IMPG2: variants seen among roughly 807,000 people sequenced by gnomAD.
The protein encoded by IMPG2 is IPM 200.
In IMPG2, 91 loss-of-function variants were observed where a neutral mutation model predicts 129.2. The ratio of observed to expected loss-of-function variants is 0.70; its 90% CI spans 0.59 to 0.84. The LOEUF (loss-of-function observed/expected upper bound fraction) is 0.84, where lower values mean the gene tolerates loss of function less well. IMPG2 is among the 40% of genes least tolerant of loss of function. The pLI is 0.00. For missense variants in IMPG2, 1,430 were observed against 1,461.7 expected (o/e 0.98, Z 0.35); for synonymous variants, 510 against 517.7 (o/e 0.99, Z 0.20).
In IMPG2 at chr3:101,246,054, T is replaced by C; in HGVS notation, c.1291A>G (p.Ser431Gly). 2 of 1,614,144 alleles carry C rather than the reference T, an allele frequency of 1.2e-6. No individual in the cohort carries two copies. The highest frequency in any genetic ancestry group is 1.7e-6 in the Non-Finnish European group (2 of 1,179,994). The part of the protein sequence containing the change: ...WPSADESITS[S>G]IPPLDFSSGP... Reference sequence around the variant, plus strand: ...GAGCTGAAATCAAGTGGTGGAATACTGCTGGTGATGGATTCATCTGCTGAG... The same window carrying C: ...GAGCTGAAATCAAGTGGTGGAATACCGCTGGTGATGGATTCATCTGCTGAG... Residue 431 changes from serine (S) to glycine (G), a missense_variant, in exon 12 of 19, where the codon AGT (serine) becomes GGT (glycine). Ser to Gly is a moderately conservative substitution (Grantham distance 56). Coordinates refer to ENST00000193391, the MANE Select transcript of IMPG2 (RefSeq NM_016247.4).
In IMPG2 at chr3:101,225,398, C is replaced by G. The variant is rs912156644; in HGVS notation, c.*1571G>C. On this transcript the variant is annotated 3_prime_UTR_variant, in exon 19 of 19. Transcript: ENST00000193391. ...GCGCACATGCGCATTAGCGCGCACA[C>G]GCACACACACATACACGCACACACA... 7.9e-6 allele frequency: 1 copy of G among 127,378 alleles called. No homozygotes were observed. Among genetic ancestry groups the G allele is most frequent in the Non-Finnish European group, 1.7e-5 (1 of 59,842 alleles). 7.9% of individuals were successfully genotyped at this position (127,378 alleles called of 1,614,324 possible).
intron 11 of IMPG2, among the ~76,000 whole-genome samples, chr3:101,246,387 A>AT (rs1425129906): frequency 6.6e-5 from 10 of 151,772 alleles, no homozygotes; most frequent in African/African-American, 2.4e-4. Flanking sequence ...TGTGAGAGAA[A>AT]ATTTTTTTTG....
At chr3:101,318,348 T>C (rs929342082) in intron 2 of IMPG2, among the ~76,000 whole-genome samples, 2 of 151,868 alleles carry the variant, frequency 1.3e-5, no homozygotes, top group Non-Finnish European at 2.9e-5. Context: ...GGATCTCCAT[T>C]TAAAAAGTAA....
At chr3:101,279,625 A>G (rs527885984) in intron 4 of IMPG2, among the ~76,000 whole-genome samples, 61 of 152,210 alleles carry the variant, frequency 4.0e-4, no homozygotes, top group Non-Finnish European at 7.8e-4. Flanking sequence ...TGAAAGCACA[A>G]CACAGCAACT....
At position 101,243,526 on chromosome 3, in the gene IMPG2, T is replaced by C. The variant is rs1200722829; in HGVS notation, c.2802+3A>G. 16 of 1,613,316 alleles carry C rather than the reference T, an allele frequency of 9.9e-6. No individual in the cohort carries two copies. Among genetic ancestry groups the C allele is most frequent in the Non-Finnish European group, 1.1e-5 (13 of 1,179,642 alleles). ...GTGCCCATGTTTCACTTTTTATGCT[T>C]ACCAATTCTAAGAATCTTTGCTCCA... On this transcript the variant is annotated splice_donor_region_variant and intron_variant, in intron 13 of 18. Transcript: ENST00000193391.
intron 4 of IMPG2, among the ~76,000 whole-genome samples, chr3:101,285,389 A>C (rs529437664): frequency 3.3e-5 from 5 of 152,338 alleles, no homozygotes; most frequent in African/African-American, 1.2e-4. Context: ...AAAGACATAG[A>C]CTTCCTGCTC....
At chr3:101,276,582 G>T in intron 5 of IMPG2, 82 bp downstream of exon 5, 1 of 922,784 alleles carries the variant, frequency 1.1e-6, no homozygotes, top group Non-Finnish European at 1.7e-6. Flanking sequence ...AAGGTAAGCT[G>T]CAAAAAATGT....
intron 3 of IMPG2, among the ~76,000 whole-genome samples, chr3:101,301,996 T>G (rs1707143830): frequency 6.6e-6 from 1 of 152,196 alleles, no homozygotes; most frequent in Non-Finnish European, 1.5e-5. Context: ...TTTAGTCTGA[T>G]CTCCTGTCAT....
chr3:101,252,177 A>G (rs1246342417), intron 11 of IMPG2, among the ~76,000 whole-genome samples: 1 of 152,182 alleles, frequency 6.6e-6, no homozygotes, highest in African/African-American at 2.4e-5. Context: ...ACTTCAGAGT[A>G]GCAGATCTTC....
intron 14 of IMPG2, among the ~76,000 whole-genome samples, chr3:101,238,347 T>TC (rs1211911152): frequency 6.6e-6 from 1 of 152,032 alleles, no homozygotes; most frequent in African/African-American, 2.4e-5. Flanking sequence ...AGGCCAACAT[T>TC]AAATTCAGGA....
chr3:101,256,617 T>C (rs938819135), intron 10 of IMPG2, among the ~76,000 whole-genome samples: 2 of 152,144 alleles, frequency 1.3e-5, no homozygotes, highest in African/African-American at 2.4e-5. Context: ...AGGTAGTAGC[T>C]GCCTGGAAGG....
intron 2 of IMPG2, among the ~76,000 whole-genome samples, chr3:101,315,704 G>A (rs2058781103): frequency 6.6e-6 from 1 of 151,964 alleles, no homozygotes; most frequent in South Asian, 2.1e-4. Flanking sequence ...GTATTAAGAT[G>A]GCAATTCTCC....
At chr3:101,308,908 G>C (rs898882542) in intron 2 of IMPG2, among the ~76,000 whole-genome samples, 2 of 152,116 alleles carry the variant, frequency 1.3e-5, no homozygotes, top group East Asian at 3.9e-4. Context: ...GTCACCTCTT[G>C]AATGCTTTGC....
chr3:101,300,803 C>T (rs1033752358), intron 3 of IMPG2, among the ~76,000 whole-genome samples: 4 of 152,196 alleles, frequency 2.6e-5, no homozygotes, highest in African/African-American at 7.2e-5. Flanking sequence ...ATCTTGGCCC[C>T]GCCCCCCACT....
chr3:101,227,989 G>A (rs1052398628), intron 18 of IMPG2: 1 of 379,504 alleles, frequency 2.6e-6, no homozygotes, highest in Non-Finnish European at 5.4e-6. Flanking sequence ...TCTTCTAAAA[G>A]CCAAGCCAGA....
chr3:101,306,261 A>G (rs546600431), intron 2 of IMPG2, among the ~76,000 whole-genome samples: 4 of 152,222 alleles, frequency 2.6e-5, no homozygotes, highest in Non-Finnish European at 4.4e-5. Context: ...TAATTGTCCA[A>G]TAGTTATTTG....
At position 101,274,745 on chromosome 3, in the gene IMPG2, A is replaced by T. The variant is rs573059546; in HGVS notation, c.666+918T>A. Among the ~76,000 whole-genome samples, 18 of 152,338 alleles carry T rather than the reference A, an allele frequency of 1.2e-4. No homozygotes were observed. In the South Asian group the frequency reaches 3.7e-3, roughly 32 times the overall value. ...ATTCTACAAATGTTTCCAGATCTAA[A>T]TCATAGCTATTCTGCCTCAAGTTCA... On this transcript the variant is annotated intron_variant, in intron 6 of 18. Coordinates refer to ENST00000193391, the MANE Select transcript of IMPG2 (RefSeq NM_016247.4).
chr3:101,299,339 C>T (rs1707115310), intron 3 of IMPG2, among the ~76,000 whole-genome samples: 1 of 152,176 alleles, frequency 6.6e-6, no homozygotes, highest in Non-Finnish European at 1.5e-5. Flanking sequence ...TTAGAAAATG[C>T]TCCTTTAGCT....
rs3773919 is a variant in IMPG2, at chr3:101,272,927, T to C, written c.828+654A>G. Among the ~76,000 whole-genome samples the C allele has an allele frequency of 5.8e-4, 89 of 152,336 alleles. No individual in the cohort carries two copies. The East Asian group carries it at 0.017, about 29-fold the overall frequency. On this transcript the variant is annotated intron_variant, in intron 7 of 18. Transcript: ENST00000193391. ...AGGGGTAGATAAGCATTCAATGTCTTACTGCACAAAAGCAAAGGCAAACTA... is the reference window on the plus strand; with the variant it reads ...AGGGGTAGATAAGCATTCAATGTCTCACTGCACAAAAGCAAAGGCAAACTA...
Sources: allele counts gnomAD v4.1 joint callset (sites outside exome capture counted in the v4.1 genomes callset), GRCh38; gene constraint gnomAD v4.1.1; transcripts MANE v1.5; gene names NCBI Gene and HGNC (gene_info 2026-07-23, HGNC 2026-07-21).